Variants in DOK6 observed in about 807,000 individuals in gnomAD.
The protein encoded by DOK6 is docking protein 6, also known as downstream of tyrosine kinase 6.
A neutral mutation model predicts 44.0 loss-of-function variants in DOK6; 22 were observed. The observed-to-expected ratio is 0.50, with a 90% CI of 0.36 to 0.71. DOK6 has a LOEUF of 0.71. Ranked by LOEUF, DOK6 falls within the 30% of genes least tolerant of loss-of-function variation. The probability of loss-of-function intolerance (pLI) is 0.00; values close to 1 mark genes in which losing one functional copy is unlikely to be tolerated. For missense variants in DOK6, 340 were observed against 416.4 expected, an observed-to-expected ratio of 0.82 and a Z score of 1.60; for synonymous variants, 166 against 145.5, an observed-to-expected ratio of 1.14 and a Z score of -1.01.
chr18:69,473,576 C>T (rs1980176915), intron 1 of DOK6, among the ~76,000 whole-genome samples: 1 of 152,138 alleles, frequency 6.6e-6, no homozygotes, highest in Non-Finnish European at 1.5e-5. Context: ...TGTCTTGCAC[C>T]CAGCACTGTC....
At chr18:69,485,881 A>ATATG (rs1555706131) in intron 1 of DOK6, among the ~76,000 whole-genome samples, 44 of 147,224 alleles carry the variant, frequency 3.0e-4, no homozygotes, top group Middle Eastern at 3.5e-3. Flanking sequence ...ATACGTATAT[A>ATATG]TGTGTGTGTG....
intron 3 of DOK6, among the ~76,000 whole-genome samples, chr18:69,640,130 C>G (rs573682301): frequency 2.0e-5 from 3 of 152,230 alleles, no homozygotes; most frequent in Non-Finnish European, 4.4e-5. Flanking sequence ...CAAAGGCTTG[C>G]GATGTCTCCA....
At chr18:69,432,162 T>C (rs356013) in intron 1 of DOK6, among the ~76,000 whole-genome samples, 1 of 152,098 alleles carries the variant, frequency 6.6e-6, no homozygotes, top group African/African-American at 2.4e-5. Context: ...TATCATTTTG[T>C]CTGGGCATGG....
intron 1 of DOK6, among the ~76,000 whole-genome samples, chr18:69,483,976 T>A (rs1048989716): frequency 1.3e-5 from 2 of 152,080 alleles, no homozygotes; most frequent in Non-Finnish European, 2.9e-5. Flanking sequence ...TTTTATTTTT[T>A]AAATTAGCAA....
intron 3 of DOK6, among the ~76,000 whole-genome samples, chr18:69,635,519 A>G (rs775130702): frequency 9.2e-5 from 14 of 152,150 alleles, no homozygotes; most frequent in Admixed American, 6.5e-5. Flanking sequence ...TTGTGCTTCC[A>G]TGGAACCAGG....
At position 69,803,060 on chromosome 18, in the gene DOK6, C is replaced by A. The variant is rs187978173; in HGVS notation, c.857-38184C>A. Among the ~76,000 whole-genome samples the A allele has an allele frequency of 2.8e-3, 418 of 151,988 alleles. 2 individuals carry two copies. Among genetic ancestry groups the A allele is most frequent in the South Asian group, 4.6e-3 (22 of 4,820 alleles). ...GATATATGAAAGATAGATTGAAAGT[C>A]CATTATTAAAAATTTGTTTGATTTT... is the stretch of plus-strand genomic sequence containing the variant. On this transcript the variant is annotated intron_variant, in intron 7 of 7. Coordinates refer to ENST00000382713, the MANE Select transcript of DOK6 (RefSeq NM_152721.6).
intron 1 of DOK6, among the ~76,000 whole-genome samples, chr18:69,437,582 A>G (rs77682146): frequency 6.6e-6 from 1 of 152,136 alleles, no homozygotes; most frequent in Non-Finnish European, 1.5e-5. Context: ...GCCTTGTAGT[A>G]TAGTTTGAAG....
In DOK6 at chr18:69,602,149, A is replaced by C. The variant is rs1326407308; in HGVS notation, c.289+2651A>C. Among the ~76,000 whole-genome samples, 4 of 152,136 alleles carry C rather than the reference A, an allele frequency of 2.6e-5. No individual in the cohort carries two copies. In the East Asian group the frequency reaches 7.7e-4, roughly 29 times the overall value. On this transcript the variant is annotated intron_variant, in intron 3 of 7. Transcript: ENST00000382713. ...GGCTGTTCATAGTTACTTCCTCCCT[A>C]GGAGAATAGGATAGAAAGGGATGGG...
intron 1 of DOK6, among the ~76,000 whole-genome samples, chr18:69,528,542 G>A (rs1422804251): frequency 6.6e-6 from 1 of 152,086 alleles, no homozygotes; most frequent in Non-Finnish European, 1.5e-5. Flanking sequence ...ACTCATTGCT[G>A]GTAAGAATAC....
At chr18:69,634,158 A>C (rs1260840818) in intron 3 of DOK6, among the ~76,000 whole-genome samples, 1 of 152,132 alleles carries the variant, frequency 6.6e-6, no homozygotes, top group African/African-American at 2.4e-5. Context: ...AATTGACTTG[A>C]GTTCAGCACC....
At chr18:69,703,284 A>G (rs1986562279) in intron 5 of DOK6, among the ~76,000 whole-genome samples, 1 of 152,206 alleles carries the variant, frequency 6.6e-6, no homozygotes. Flanking sequence ...CCAATTAGAT[A>G]TTATGATTTA....
At chr18:69,698,336 A>G (rs1175207880) in intron 4 of DOK6, 68 bp from the exon 5 acceptor site, 12 of 1,409,272 alleles carry the variant, frequency 8.5e-6, no homozygotes, top group Non-Finnish European at 1.2e-5. Context: ...AAACAAATTA[A>G]TATCGTATGG....
Position 69,401,582 on chromosome 18 carries a change from G to A in DOK6, c.66+272G>A, listed in dbSNP as rs574819480. Reference sequence around the variant, plus strand: ...CGTGCGGGGAAGTCAGTAGACGAAAGGGGTTGTCAGTTCCAACGAGGAACG... The same window carrying A: ...CGTGCGGGGAAGTCAGTAGACGAAAAGGGTTGTCAGTTCCAACGAGGAACG... On this transcript the variant is annotated intron_variant, in intron 1 of 7. Coordinates refer to ENST00000382713, the MANE Select transcript of DOK6 (RefSeq NM_152721.6). Among the ~76,000 whole-genome samples, 48 of 152,282 alleles carry A rather than the reference G, an allele frequency of 3.2e-4. 1 individual carries two copies. In the South Asian group the frequency reaches 5.2e-3, roughly 16 times the overall value.
At chr18:69,839,640 A>G (rs765212344) in intron 7 of DOK6, among the ~76,000 whole-genome samples, 2 of 152,250 alleles carry the variant, frequency 1.3e-5, no homozygotes, top group Non-Finnish European at 2.9e-5. Context: ...GAGAAAATGC[A>G]GACATGCGCA....
chr18:69,747,507 A>G (rs1979024395), intron 6 of DOK6, among the ~76,000 whole-genome samples: 1 of 152,026 alleles, frequency 6.6e-6, no homozygotes, highest in Admixed American at 6.6e-5. Flanking sequence ...TGTCAGCCCC[A>G]CCTTCCTAGT....
At chr18:69,742,914 A>AT (rs1160727134) in intron 6 of DOK6, among the ~76,000 whole-genome samples, 1 of 152,258 alleles carries the variant, frequency 6.6e-6, no homozygotes, top group East Asian at 1.9e-4. Context: ...AGCCTGACAG[A>AT]TTATTGGGAT....
chr18:69,810,383 C>G (rs988741731), intron 7 of DOK6, among the ~76,000 whole-genome samples: 1 of 151,904 alleles, frequency 6.6e-6, no homozygotes, highest in African/African-American at 2.4e-5. Context: ...AGAGGAGGAG[C>G]TCCATGATAT....
intron 3 of DOK6, among the ~76,000 whole-genome samples, chr18:69,670,510 ATTTT>A (rs34425516): frequency 1.5e-4 from 20 of 137,104 alleles, no homozygotes; most frequent in African/African-American, 4.6e-4. Context: ...TTGTGCATCA[ATTTT>A]TTTTTTTTTT....
At chr18:69,427,433 A>G (rs1182323326) in intron 1 of DOK6, among the ~76,000 whole-genome samples, 1 of 152,218 alleles carries the variant, frequency 6.6e-6, no homozygotes, top group Admixed American at 6.5e-5. Context: ...ATGAAATGCC[A>G]TCTGACACCA....
Sources: gnomAD v4.1 joint callset for allele counts (sites outside exome capture counted in the v4.1 genomes callset) on GRCh38, gnomAD v4.1.1 for gene constraint, MANE v1.5 for transcripts, NCBI Gene and HGNC (gene_info 2026-07-23, HGNC 2026-07-21) for gene names.